DGKB: variants seen among roughly 807,000 people sequenced by gnomAD.
DGKB encodes 90 kDa diacylglycerol kinase.
A neutral mutation model predicts 114.3 loss-of-function variants in DGKB; 67 were observed. That is an observed-to-expected ratio of 0.59 (90% CI 0.48 to 0.72). The LOEUF (loss-of-function observed/expected upper bound fraction) is 0.72, where lower values mean the gene tolerates loss of function less well. Ranked by LOEUF, DGKB falls within the 30% of genes least tolerant of loss-of-function variation. DGKB has a pLI of 0.00. For missense variants in DGKB, 907 were observed against 975.2 expected (o/e 0.93, Z 0.93); for synonymous variants, 398 against 323.1 (o/e 1.23, Z -2.49).
chr7:14,890,784 C>G (rs1234043181), intron 1 of DGKB, among the ~76,000 whole-genome samples: 1 of 150,780 alleles, frequency 6.6e-6, no homozygotes, highest in African/African-American at 2.4e-5. Flanking sequence ...TTGTTCTTGT[C>G]AGACACCGAA....
At chr7:14,451,822 T>G (rs1416069588) in intron 21 of DGKB, among the ~76,000 whole-genome samples, 1 of 152,084 alleles carries the variant, frequency 6.6e-6, no homozygotes, top group African/African-American at 2.4e-5. Flanking sequence ...ATCAGTGAGA[T>G]GCCCCAAACT....
intron 20 of DGKB, among the ~76,000 whole-genome samples, chr7:14,498,634 T>G (rs1165952063): frequency 6.6e-6 from 1 of 151,776 alleles, no homozygotes; most frequent in East Asian, 1.9e-4. Context: ...TTGATTTTTT[T>G]GCCTTGAAGT....
At chr7:14,430,362 A>C (rs990282019) in intron 21 of DGKB, among the ~76,000 whole-genome samples, 2 of 152,196 alleles carry the variant, frequency 1.3e-5, no homozygotes, top group Non-Finnish European at 2.9e-5. Context: ...CATATCATTA[A>C]AATATTTCAC....
intron 13 of DGKB, among the ~76,000 whole-genome samples, chr7:14,634,151 A>T (rs1372738436): frequency 1.3e-5 from 2 of 150,930 alleles, no homozygotes; most frequent in Non-Finnish European, 3.0e-5. Flanking sequence ...TTATATTTTT[A>T]TATATATATT....
At chr7:14,933,770 G>C (rs758822217) in intron 1 of DGKB, among the ~76,000 whole-genome samples, 13 of 152,030 alleles carry the variant, frequency 8.6e-5, no homozygotes, top group Non-Finnish European at 1.8e-4. Flanking sequence ...TCTCTTTTAT[G>C]TTTTGCTGCT....
At chr7:14,573,760 T>G (rs1001759971) in intron 20 of DGKB, among the ~76,000 whole-genome samples, 11 of 136,884 alleles carry the variant, frequency 8.0e-5, no homozygotes, top group African/African-American at 2.2e-4. Context: ...TTGAGAATAG[T>G]AGCAGGATTT....
upstream of DGKB, chr7:14,903,212 AGTGTGTGTGTGTGTGTGTGT>A (rs34367492): frequency 1.5e-5 from 2 of 137,406 alleles, no homozygotes; most frequent in Admixed American, 1.4e-4. Flanking sequence ...AAGTCTGTGC[AGTGTGTGTGTGTGTGTGTGT>A]GTGTGTGTGT....
intron 1 of DGKB, among the ~76,000 whole-genome samples, chr7:14,963,010 G>A (rs1462849449): frequency 6.6e-6 from 1 of 151,974 alleles, no homozygotes; most frequent in East Asian, 1.9e-4. Flanking sequence ...TCTCATATTT[G>A]TTTCCCTTGC....
In DGKB at chr7:14,341,654, A is replaced by G. The variant is rs190466009; in HGVS notation, c.1927-2944T>C. 4.6e-4 allele frequency among the ~76,000 whole-genome samples: 70 copies of G among 152,032 alleles called. No individual in the cohort carries two copies. The East Asian group carries it at 6.2e-3, about 13-fold the overall frequency. ...TTTCAGTTTTAAAATAGAGGATCTT[A>G]TTCCAGAGACAAATATAATTAAAAG... On this transcript the variant is annotated intron_variant, in intron 22 of 25. Transcript: ENST00000402815.
At chr7:14,784,031 CATAAAT>C (rs1839499447) in intron 2 of DGKB, among the ~76,000 whole-genome samples, 1 of 152,086 alleles carries the variant, frequency 6.6e-6, no homozygotes, top group Non-Finnish European at 1.5e-5. Context: ...AATTTTGAAT[CATAAAT>C]ATAATGTTGA....
intron 1 of DGKB, among the ~76,000 whole-genome samples, chr7:14,971,026 T>C (rs1001333945): frequency 3.3e-5 from 5 of 152,182 alleles, no homozygotes; most frequent in African/African-American, 1.2e-4. Flanking sequence ...TTTACTTTCA[T>C]TTTCCCAAGG....
intron 23 of DGKB, among the ~76,000 whole-genome samples, chr7:14,257,579 A>G (rs138481065): frequency 1.2e-4 from 19 of 152,214 alleles, no homozygotes; most frequent in African/African-American, 4.3e-4. Flanking sequence ...GTGAGTTCTC[A>G]TGAGATCTGA....
chr7:14,560,782 A>C (rs1796541978), intron 20 of DGKB, among the ~76,000 whole-genome samples: 1 of 152,146 alleles, frequency 6.6e-6, no homozygotes, highest in South Asian at 2.1e-4. Context: ...AAACCTCCAC[A>C]TTGTATTGCA....
intron 25 of DGKB, among the ~76,000 whole-genome samples, chr7:14,170,815 G>A (rs1780883548): frequency 6.6e-6 from 1 of 152,138 alleles, no homozygotes; most frequent in African/African-American, 2.4e-5. Flanking sequence ...ATGAACTCTA[G>A]ATAACTGCAG....
chr7:14,815,382 A>G (rs1843982311), intron 2 of DGKB: 1 of 152,224 alleles, frequency 6.6e-6, no homozygotes, highest in South Asian at 2.1e-4. Context: ...CCTGTTGATT[A>G]TGGCACACAC....
intron 20 of DGKB, among the ~76,000 whole-genome samples, chr7:14,518,341 G>A (rs923778240): frequency 2.0e-5 from 3 of 151,900 alleles, no homozygotes; most frequent in East Asian, 1.9e-4. Context: ...GGTAAGGATC[G>A]CAAAACTACC....
chr7:14,493,387 AAAT>A (rs1424160564), intron 20 of DGKB, among the ~76,000 whole-genome samples: 3 of 152,232 alleles, frequency 2.0e-5, no homozygotes, highest in Admixed American at 6.6e-5. Flanking sequence ...TAGGTACAGT[AAAT>A]AATAACAATA....
At chr7:14,910,158 T>C (rs1783909426) in intron 1 of DGKB, among the ~76,000 whole-genome samples, 2 of 151,616 alleles carry the variant, frequency 1.3e-5, no homozygotes, top group Non-Finnish European at 2.9e-5. Context: ...GGAGAATTGC[T>C]TGAACCTGGG....
At chr7:14,279,235 C>G (rs1332563754) in intron 23 of DGKB, among the ~76,000 whole-genome samples, 1 of 152,208 alleles carries the variant, frequency 6.6e-6, no homozygotes. Flanking sequence ...GGTCCTACCC[C>G]CACGGAGTCT....
Sources: allele counts gnomAD v4.1 joint callset (sites outside exome capture counted in the v4.1 genomes callset), GRCh38; gene constraint gnomAD v4.1.1; transcripts MANE v1.5; gene names NCBI Gene and HGNC (gene_info 2026-07-23, HGNC 2026-07-21).